TDRKH: variants seen among roughly 807,000 people sequenced by gnomAD.
TDRKH encodes tudor and KH domain-containing protein.
TDRKH carries 28 observed loss-of-function variants against 61.3 expected under a neutral mutation model. The observed-to-expected ratio is 0.46, with a 90% confidence interval of 0.34 to 0.63. The LOEUF (loss-of-function observed/expected upper bound fraction) is 0.63. Ranked by LOEUF, TDRKH falls within the 20% of genes least tolerant of loss-of-function variation. The pLI is 0.01. For synonymous variants in TDRKH, 219 were observed against 244.4 expected (o/e 0.90, Z 0.97); for missense variants, 540 against 683.4 (o/e 0.79, Z 2.34).
intron 6 of TDRKH, among the ~76,000 whole-genome samples, chr1:151,777,699 T>A (rs888332256): frequency 6.6e-6 from 1 of 151,096 alleles, no homozygotes; most frequent in Non-Finnish European, 1.5e-5. Context: ...AGCCAGTATT[T>A]CTTTTTAAAA....
intron 6 of TDRKH, among the ~76,000 whole-genome samples, chr1:151,777,306 T>G (rs189473141): frequency 6.6e-6 from 1 of 152,066 alleles, no homozygotes; most frequent in Non-Finnish European, 1.5e-5. Context: ...ATCAGTCGGA[T>G]GTGGTGGTGT....
downstream of TDRKH, chr1:151,768,162 C>T (rs779344922): frequency 9.9e-6 from 16 of 1,613,904 alleles, no homozygotes; most frequent in African/African-American, 4.0e-5. Flanking sequence ...CCCATTGGCA[C>T]GGCCTTCTCT....
chr1:151,776,668 G>T, intron 6 of TDRKH, 69 bp from the exon 7 acceptor site: 2 of 1,545,402 alleles, frequency 1.3e-6, no homozygotes, highest in Non-Finnish European at 1.8e-6. Context: ...GACTAACCAG[G>T]GTAGTGAGAG....
At position 151,778,870 on chromosome 1, in the gene TDRKH, T is replaced by G. The variant is rs1045970744; in HGVS notation, c.698A>C (p.Glu233Ala). 6.2e-7 allele frequency: 1 copy of G among 1,614,032 alleles called. No homozygotes were observed. The highest frequency in any genetic ancestry group is 1.3e-5 in the African/African-American group (1 of 74,914). Residue 233 changes from glutamate (E) to alanine (A), a missense_variant, in exon 6 of 13, where the codon GAG becomes GCG. Physicochemically the swap from Glu to Ala is moderately radical, Grantham distance 107. Transcript: ENST00000368824. The stretch of plus-strand genomic sequence containing the variant: ...ACTGGTGTTTTTCCATAATGCTGGC[T>G]CTCCAGCTCCACCTGGCTCTGTCAT... ...EDMTEPGGAG[E>A]PALWKNTSSS...
downstream of TDRKH, chr1:151,771,779 T>TA (rs1648717766): frequency 2.5e-6 from 1 of 394,714 alleles, no homozygotes; most frequent in Admixed American, 4.4e-5. Flanking sequence ...TGTAAACAGG[T>TA]AAGACTTAAA....
chr1:151,775,323 G>A (rs1781419), intron 10 of TDRKH, 69 bp downstream of exon 10: 1,055,109 of 1,563,184 alleles, frequency 0.67, 357,623 homozygotes, highest in African/African-American at 0.73. Flanking sequence ...GGTTTCTGAG[G>A]AAGAAAAAGT....
At chr1:151,786,108 T>C (rs1306382323) in intron 1 of TDRKH, among the ~76,000 whole-genome samples, 2 of 152,166 alleles carry the variant, frequency 1.3e-5, no homozygotes, top group Non-Finnish European at 2.9e-5. Context: ...CAAAACCTAC[T>C]GTGGAATAAA....
chr1:151,777,947 C>T (rs1409326053), intron 6 of TDRKH, among the ~76,000 whole-genome samples: 1 of 151,960 alleles, frequency 6.6e-6, no homozygotes, highest in African/African-American at 2.4e-5. Context: ...AAAAACAAAA[C>T]AATTACCATT....
intron 1 of TDRKH, among the ~76,000 whole-genome samples, chr1:151,785,572 TAC>T (rs1650237092): frequency 1.3e-5 from 2 of 152,334 alleles, no homozygotes; most frequent in African/African-American, 4.8e-5. Context: ...AATTTTATTT[TAC>T]AGTCATATAA....
At chr1:151,766,926 A>C (rs757002373), downstream of TDRKH, 14 of 1,525,144 alleles carry the variant, frequency 9.2e-6, no homozygotes, top group Non-Finnish European at 9.9e-6. Context: ...TGTTTATATA[A>C]AATGTAAGGA....
Position 151,776,193 on chromosome 1 carries a change from G to GGGCTC in TDRKH, c.1115_1119dup (p.Arg374GlufsTer28). ...CCATTCTCCAAGGTGCCGAGGACCC[G>GGGCTC]GGCTCGATACCAGGAACCATTTGTA... is the stretch of plus-strand genomic sequence containing the variant. On this transcript the variant is annotated frameshift_variant, in exon 8 of 13. Coordinates refer to ENST00000368824, the MANE Select transcript of TDRKH (RefSeq NM_001083965.2). LOFTEE classifies it high-confidence loss of function. 6.2e-7 allele frequency: 1 copy of GGGCTC among 1,614,106 alleles called. No homozygotes were observed. The highest frequency in any genetic ancestry group is 8.5e-7 in the Non-Finnish European group (1 of 1,180,024).
chr1:151,780,849 C>CAAA (rs71789262), intron 3 of TDRKH, among the ~76,000 whole-genome samples: 3 of 86,212 alleles, frequency 3.5e-5, no homozygotes, highest in Admixed American at 1.2e-4. Flanking sequence ...GACTCTGTCT[C>CAAA]AAAAAAAAAA....
chr1:151,782,085 G>A (rs920422663), intron 2 of TDRKH: 10 of 428,706 alleles, frequency 2.3e-5, no homozygotes, highest in Admixed American at 2.9e-5. Context: ...TCTTTGCTGT[G>A]TTGATGTTGC....
chr1:151,770,027 G>C, downstream of TDRKH: 1 of 1,382,462 alleles, frequency 7.2e-7, no homozygotes, highest in Non-Finnish European at 1.0e-6. Flanking sequence ...CAGCAGTACA[G>C]TCCAGCTTCG....
At position 151,775,169 on chromosome 1, in the gene TDRKH, G is replaced by A; in HGVS notation, c.1435-3C>T. 1.2e-6 allele frequency: 2 copies of A among 1,613,738 alleles called. No individual in the cohort carries two copies. Among genetic ancestry groups the A allele is most frequent in the Non-Finnish European group, 1.7e-6 (2 of 1,179,884 alleles). ...AATTCTAGCCCAATATCAAGTTTCT[G>A]AGAAGAAAAATGAAAAGGGAATGAT... On this transcript the variant is annotated splice_region_variant and splice_polypyrimidine_tract_variant and intron_variant, in intron 10 of 12. Coordinates refer to ENST00000368824, the MANE Select transcript of TDRKH (RefSeq NM_001083965.2).
downstream of TDRKH, chr1:151,768,278 A>T (rs1163306427): frequency 6.4e-7 from 1 of 1,570,930 alleles, no homozygotes; most frequent in Non-Finnish European, 8.6e-7. Context: ...TAGGTAGGGG[A>T]TTTCACCCTT....
At chr1:151,779,392 C>A (rs1321358471) in intron 4 of TDRKH, 150 bp from the exon 5 acceptor site, 7 of 1,086,384 alleles carry the variant, frequency 6.4e-6, no homozygotes, top group Non-Finnish European at 8.9e-6. Context: ...AAATCAGGAG[C>A]TACTGAAATC....
At chr1:151,771,819 T>G, downstream of TDRKH, 1 of 397,596 alleles carries the variant, frequency 2.5e-6, no homozygotes, top group Non-Finnish European at 4.4e-6. Context: ...CTTTTATACA[T>G]AGTAACAAAC....
chr1:151,775,507 T>A lies in TDRKH; in HGVS notation c.1319A>T (p.Asp440Val). The stretch of plus-strand genomic sequence containing the variant: ...CCAGTCAGCACAATGAGTGAGTCTA[T>A]CAAACTCATCCAAAGCTTCCTCTTC... ...QWEEEALDEF[D>V]RLTHCADWKP... is the part of the protein sequence containing the mutation. The change falls in exon 10 of 13, where the codon GAT becomes GTT. Residue 440 changes from aspartate (D) to valine (V), a missense_variant. Asp to Val is a radical substitution (Grantham distance 152). Coordinates refer to ENST00000368824, the MANE Select transcript of TDRKH (RefSeq NM_001083965.2). 6.2e-7 allele frequency: 1 copy of A among 1,613,862 alleles called. No individual in the cohort carries two copies. The highest frequency in any genetic ancestry group is 8.5e-7 in the Non-Finnish European group (1 of 1,179,934).
Sources: allele counts gnomAD v4.1 joint callset (sites outside exome capture counted in the v4.1 genomes callset), GRCh38; gene constraint gnomAD v4.1.1; transcripts MANE v1.5; gene names NCBI Gene and HGNC (gene_info 2026-07-23, HGNC 2026-07-21).